UBAP2: variants seen among roughly 807,000 people sequenced by gnomAD.
The protein encoded by UBAP2 is ubiquitin associated protein 2.
In UBAP2, 75 loss-of-function variants were observed where a neutral mutation model predicts 139.6. The ratio of observed to expected loss-of-function variants is 0.54; its 90% CI spans 0.45 to 0.65. The LOEUF is 0.65. Ranked by LOEUF, UBAP2 falls within the 30% of genes least tolerant of loss-of-function variation. The pLI is 0.00. For missense variants in UBAP2, 1,368 were observed against 1,369.6 expected (o/e 1.00, Z 0.02); for synonymous variants, 526 against 526.2 (o/e 1.00, Z 0.01).
intron 2 of UBAP2, among the ~76,000 whole-genome samples, chr9:34,010,074 T>C (rs1401278611): frequency 6.9e-6 from 1 of 144,280 alleles, no homozygotes; most frequent in Non-Finnish European, 1.5e-5. Flanking sequence ...CCCAAAGTGC[T>C]GGGATTACAG....
chr9:34,025,271 G>T (rs1158373257), intron 1 of UBAP2, among the ~76,000 whole-genome samples: 4 of 152,174 alleles, frequency 2.6e-5, no homozygotes, highest in African/African-American at 9.7e-5. Context: ...GTACACTTGT[G>T]TTCCATCATC....
intron 4 of UBAP2, chr9:33,995,318 C>T (rs1587629948): frequency 6.7e-6 from 1 of 148,696 alleles, no homozygotes; most frequent in African/African-American, 2.5e-5. Flanking sequence ...GATCACACTA[C>T]TGCACTCCAG....
intron 19 of UBAP2, 118 bp downstream of exon 19, chr9:33,932,444 A>G: frequency 8.5e-7 from 1 of 1,182,268 alleles, no homozygotes; most frequent in Non-Finnish European, 1.2e-6. Context: ...AAGACATTTC[A>G]GCCAAGCAAC....
At chr9:33,984,109 G>A (rs1820998827) in intron 6 of UBAP2, among the ~76,000 whole-genome samples, 1 of 151,672 alleles carries the variant, frequency 6.6e-6, no homozygotes, top group Non-Finnish European at 1.5e-5. Context: ...TTACCATGTT[G>A]GCCAGGGTGG....
At chr9:33,974,648 T>C (rs1564039320) in intron 6 of UBAP2, among the ~76,000 whole-genome samples, 1 of 150,956 alleles carries the variant, frequency 6.6e-6, no homozygotes, top group East Asian at 2.0e-4. Context: ...GACAACAAAA[T>C]ACTCCATTCA....
At chr9:34,013,013 G>T (rs149157462) in intron 2 of UBAP2, among the ~76,000 whole-genome samples, 2 of 151,324 alleles carry the variant, frequency 1.3e-5, no homozygotes. Flanking sequence ...AATTAGCCGG[G>T]TGTGGTGATG....
chr9:33,965,992 G>T (rs891282514), intron 8 of UBAP2, among the ~76,000 whole-genome samples: 26 of 151,060 alleles, frequency 1.7e-4, no homozygotes, highest in Non-Finnish European at 3.4e-4. Context: ...AGAGCCTGCA[G>T]TGAGCAGAGA....
intron 15 of UBAP2, 38 bp from the exon 16 acceptor site, chr9:33,941,900 C>A: frequency 1.9e-5 from 26 of 1,365,742 alleles, no homozygotes; most frequent in South Asian, 2.5e-5. Flanking sequence ...AATTTTGTTA[C>A]TTTAAATAGC....
At chr9:33,983,472 T>C (rs1820943707) in intron 6 of UBAP2, among the ~76,000 whole-genome samples, 2 of 152,172 alleles carry the variant, frequency 1.3e-5, no homozygotes, top group African/African-American at 4.8e-5. Flanking sequence ...TGGGTTACTA[T>C]GTATTCCTAA....
intron 19 of UBAP2, among the ~76,000 whole-genome samples, chr9:33,930,018 GAAAT>G (rs1467752852): frequency 6.6e-5 from 10 of 151,396 alleles, no homozygotes; most frequent in East Asian, 3.9e-4. Flanking sequence ...AAAATAATAA[GAAAT>G]AAATAAATAA....
At chr9:33,992,397 A>AG (rs1311455854) in intron 4 of UBAP2, among the ~76,000 whole-genome samples, 2 of 148,952 alleles carry the variant, frequency 1.3e-5, no homozygotes, top group Non-Finnish European at 3.0e-5. Flanking sequence ...CTCAAAAAAA[A>AG]AAAAAAAAAA....
intron 13 of UBAP2, 97 bp downstream of exon 13, chr9:33,948,277 C>T: frequency 8.8e-7 from 1 of 1,133,214 alleles, no homozygotes; most frequent in Non-Finnish European, 1.2e-6. Context: ...AGAAACATCT[C>T]TGGACAAATT....
chr9:33,924,116 CCT>C (rs1823204301), intron 23 of UBAP2, 88 bp downstream of exon 23: 1 of 1,580,040 alleles, frequency 6.3e-7, no homozygotes, highest in Non-Finnish European at 8.7e-7. Flanking sequence ...TACTAAGAGG[CCT>C]CTCTCAGCTT....
chr9:33,962,449 C>A lies in UBAP2; in HGVS notation c.745+1277G>T, dbSNP rs571276181. On this transcript the variant is annotated intron_variant, in intron 9 of 28. Transcript: ENST00000379238. ...GATCACGAGGTCAGGAGTTCAAGAC[C>A]AGCCTGGTCAATATGATGAAACCCC... 2.6e-5 allele frequency among the ~76,000 whole-genome samples: 4 copies of A among 151,868 alleles called. No individual in the cohort carries two copies. The East Asian group carries it at 7.8e-4, about 30-fold the overall frequency.
intron 5 of UBAP2, among the ~76,000 whole-genome samples, chr9:33,988,260 TA>T (rs1199811777): frequency 6.6e-6 from 1 of 152,210 alleles, no homozygotes; most frequent in African/African-American, 2.4e-5. Context: ...TGTATGCCTA[TA>T]AAAGTATCCA....
At position 33,926,612 on chromosome 9, in the gene UBAP2, C is replaced by G. The variant is rs1823450908; in HGVS notation, c.2511+5G>C. The stretch of plus-strand genomic sequence containing the variant: ...TCTGCTCCGACCAGTCCATACCCCA[C>G]TCACCACTGGCAGCCGTGACTGCAG... On this transcript the variant is annotated splice_donor_5th_base_variant and intron_variant, in intron 22 of 28. Transcript: ENST00000379238. The G allele has an allele frequency of 1.1e-5, 17 of 1,614,198 alleles. No individual in the cohort carries two copies. Among genetic ancestry groups the G allele is most frequent in the Non-Finnish European group, 1.4e-5 (16 of 1,180,028 alleles).
chr9:34,041,447 A>G (rs1472495795), intron 1 of UBAP2, among the ~76,000 whole-genome samples: 1 of 145,526 alleles, frequency 6.9e-6, no homozygotes, highest in African/African-American at 2.6e-5. Context: ...CCTGGGCAAC[A>G]AGAGCAAACT....
At chr9:34,032,765 A>G (rs1825996020) in intron 1 of UBAP2, among the ~76,000 whole-genome samples, 1 of 152,082 alleles carries the variant, frequency 6.6e-6, no homozygotes, top group East Asian at 1.9e-4. Flanking sequence ...CTTTACAAAC[A>G]ATACAAAAAT....
intron 6 of UBAP2, 70 bp downstream of exon 6, chr9:33,986,690 G>A: frequency 1.6e-6 from 2 of 1,284,674 alleles, no homozygotes; most frequent in South Asian, 1.2e-5. Context: ...CCTAGTCACA[G>A]TCCAGCAACG....
Sources: allele counts gnomAD v4.1 joint callset (sites outside exome capture counted in the v4.1 genomes callset), GRCh38; gene constraint gnomAD v4.1.1; transcripts MANE v1.5; gene names NCBI Gene and HGNC (gene_info 2026-07-23, HGNC 2026-07-21).